SAMMSON: variants seen among roughly 807,000 people sequenced by gnomAD.
The protein encoded by SAMMSON is survival associated mitochondrial melanoma specific oncogenic non-coding RNA, also known as long intergenic non-protein coding RNA 1212.
At chr3:70,374,402 A>G (rs9833939) in intron 9 of SAMMSON, among the ~76,000 whole-genome samples, 2,702 of 152,210 alleles carry the variant, frequency 0.018, 69 homozygotes, top group African/African-American at 0.048. Context: ...CCTTCTTTTT[A>G]AGCTATTTTC....
intron 2 of SAMMSON, among the ~76,000 whole-genome samples, chr3:70,428,864 C>CT (rs1701391768): frequency 6.6e-6 from 1 of 152,044 alleles, no homozygotes; most frequent in South Asian, 2.1e-4. Context: ...TCAGCAAATA[C>CT]TTACTCAGTA....
chr3:70,223,049 A>G (rs949033361), intron 4 of SAMMSON, among the ~76,000 whole-genome samples: 2 of 152,164 alleles, frequency 1.3e-5, no homozygotes, highest in African/African-American at 4.8e-5. Context: ...TTCAAATTTC[A>G]GATACATTAT....
intron 3 of SAMMSON, among the ~76,000 whole-genome samples, chr3:70,043,627 T>C (rs1382148948): frequency 2.0e-5 from 3 of 151,946 alleles, no homozygotes; most frequent in African/African-American, 7.2e-5. Flanking sequence ...AGTGATATCA[T>C]TTCTGACCTG....
At chr3:70,285,114 A>G (rs1575615434) in intron 6 of SAMMSON, among the ~76,000 whole-genome samples, 1 of 150,776 alleles carries the variant, frequency 6.6e-6, no homozygotes, top group African/African-American at 2.4e-5. Flanking sequence ...TGTGCAGGTT[A>G]GTTACATATG....
intron 1 of SAMMSON, among the ~76,000 whole-genome samples, chr3:70,001,161 C>T (rs981315592): frequency 2.0e-5 from 3 of 151,822 alleles, no homozygotes; most frequent in Non-Finnish European, 4.4e-5. Flanking sequence ...ATTGTTGAGC[C>T]CCCTAAAAAT....
At chr3:70,125,612 C>A in intron 4 of SAMMSON, 2 of 699,638 alleles carry the variant, frequency 2.9e-6, no homozygotes, top group Admixed American at 2.0e-5. Flanking sequence ...TTCTCTAAAT[C>A]TTTCTTAAAT....
At chr3:70,220,795 G>A (rs909839523) in intron 4 of SAMMSON, among the ~76,000 whole-genome samples, 7 of 152,132 alleles carry the variant, frequency 4.6e-5, no homozygotes, top group Admixed American at 1.3e-4. Flanking sequence ...TCTCTGAAGC[G>A]TTCCTAGACT....
At chr3:70,105,865 G>C (rs2067365548) in intron 4 of SAMMSON, among the ~76,000 whole-genome samples, 1 of 152,026 alleles carries the variant, frequency 6.6e-6, no homozygotes. Context: ...AAACAATTTG[G>C]ATTTCATGAG....
intron 3 of SAMMSON, among the ~76,000 whole-genome samples, chr3:70,062,210 C>T (rs952967866): frequency 2.0e-5 from 3 of 152,042 alleles, no homozygotes; most frequent in African/African-American, 7.2e-5. Context: ...ATAATATCGG[C>T]ATGTTAAGGA....
Position 70,060,486 on chromosome 3 carries a change from T to C in SAMMSON, n.418-10990T>C, listed in dbSNP as rs375306496. 1.3e-4 allele frequency among the ~76,000 whole-genome samples: 20 copies of C among 152,256 alleles called. No individual in the cohort carries two copies. The East Asian group carries it at 3.3e-3, about 25-fold the overall frequency. On this transcript the variant is annotated intron_variant and non_coding_transcript_variant, in intron 3 of 9. Transcript: ENST00000642114. ...ATAACTTTTAGTCAGGAACCAATTTTTATTTTCCTCTGCCATTCCACCATT... is the reference window on the plus strand; with the variant it reads ...ATAACTTTTAGTCAGGAACCAATTTCTATTTTCCTCTGCCATTCCACCATT...
At chr3:70,257,701 C>G (rs780347682) in intron 6 of SAMMSON, among the ~76,000 whole-genome samples, 1 of 152,140 alleles carries the variant, frequency 6.6e-6, no homozygotes. Flanking sequence ...ATTCATGCAT[C>G]GGAAGACTCA....
intron 4 of SAMMSON, among the ~76,000 whole-genome samples, chr3:70,174,707 T>A (rs1214215383): frequency 6.6e-6 from 1 of 152,036 alleles, no homozygotes; most frequent in East Asian, 1.9e-4. Context: ...CTAGAAAAGG[T>A]TGACTTTCTA....
intron 4 of SAMMSON, among the ~76,000 whole-genome samples, chr3:70,109,855 G>A (rs191002743): frequency 6.6e-6 from 1 of 152,226 alleles, no homozygotes; most frequent in Non-Finnish European, 1.5e-5. Context: ...TTTGTGTAGA[G>A]GTACCTTCAT....
chr3:70,032,012 T>G (rs2067068016), intron 3 of SAMMSON, among the ~76,000 whole-genome samples: 1 of 152,210 alleles, frequency 6.6e-6, no homozygotes. Context: ...GCAATGCACA[T>G]TTTTCCCTAA....
At chr3:70,341,894 TACA>T (rs1702713966) in intron 7 of SAMMSON, among the ~76,000 whole-genome samples, 1 of 152,224 alleles carries the variant, frequency 6.6e-6, no homozygotes, top group South Asian at 2.1e-4. Context: ...AAAGAATATT[TACA>T]ATAGATCAGT....
chr3:70,310,736 T>C (rs1702446864), intron 7 of SAMMSON, among the ~76,000 whole-genome samples: 1 of 152,090 alleles, frequency 6.6e-6, no homozygotes. Context: ...GAGGGTATGA[T>C]GAAGTTGGAG....
chr3:70,129,203 A>T (rs1438660532), intron 4 of SAMMSON, among the ~76,000 whole-genome samples: 1 of 152,296 alleles, frequency 6.6e-6, no homozygotes, highest in East Asian at 1.9e-4. Flanking sequence ...AAGTGGTCAA[A>T]CTAGTGTGGT....
In SAMMSON at chr3:70,028,186, C is replaced by CCTTT. The variant is rs1467823828; in HGVS notation, n.417+14529_417+14532dup. Among the ~76,000 whole-genome samples the CCTTT allele has an allele frequency of 8.6e-4, 89 of 103,942 alleles. 1 individual carries two copies. The highest frequency in any genetic ancestry group is 5.4e-3 in the Middle Eastern group (1 of 186). The allele number at this position is 103,942 out of a possible 152,430, so 68.2% of individuals were successfully genotyped here. A position where few individuals can be genotyped will look rare whatever the true frequency, so the allele number is the denominator to read the frequency against. ...TCCTTCCTTCCTTCCTTCCTTCCTT[C>CCTTT]CTTTCTTTCTTTCTTTCTCTCTTTC... On this transcript the variant is annotated intron_variant and non_coding_transcript_variant, in intron 3 of 9. Transcript: ENST00000642114.
chr3:70,233,153 C>A lies in SAMMSON; in HGVS notation n.508-15954C>A, dbSNP rs372609678. ...GCAGTGAGCCAAGATCGCGCCACTG[C>A]ATTCCAGCCTGGGCAACAGAGTCTC... On this transcript the variant is annotated intron_variant and non_coding_transcript_variant, in intron 4 of 9. Coordinates refer to ENST00000642114, the Ensembl canonical transcript of SAMMSON. Among the ~76,000 whole-genome samples, 5 of 152,202 alleles carry A rather than the reference C, an allele frequency of 3.3e-5. 1 individual carries two copies. In the East Asian group the frequency reaches 7.7e-4, roughly 23 times the overall value.
Sources: allele counts gnomAD v4.1 joint callset (sites outside exome capture counted in the v4.1 genomes callset), GRCh38; gene constraint gnomAD v4.1.1; transcripts MANE v1.5; gene names NCBI Gene and HGNC (gene_info 2026-07-23, HGNC 2026-07-21).